TEAD3: variants seen among roughly 807,000 people sequenced by gnomAD.
TEAD3 encodes the protein transcriptional enhancer factor TEF-5.
Under a neutral mutation model 55.6 loss-of-function variants are expected in TEAD3, and 15 were observed. The observed-to-expected ratio is 0.27, with a 90% confidence interval of 0.18 to 0.42. The LOEUF (loss-of-function observed/expected upper bound fraction) is 0.42, where lower values mean the gene tolerates loss of function less well. Among genes scored for constraint, TEAD3 ranks in the 10% least tolerant of loss-of-function variants. The pLI, the probability that TEAD3 is intolerant of heterozygous loss-of-function variation, is 1.00. For synonymous variants in TEAD3, 210 were observed against 232.2 expected (o/e 0.90, Z 0.87); for missense variants, 407 against 576.8 (o/e 0.71, Z 3.01).
chr6:35,475,946 A>AG lies in TEAD3; in HGVS notation c.872dup (p.Asn292Ter). 6.5e-7 allele frequency: 1 copy of AG among 1,543,624 alleles called. No homozygotes were observed. The highest frequency in any genetic ancestry group is 8.7e-7 in the Non-Finnish European group (1 of 1,148,118). On this transcript the variant is annotated frameshift_variant, in exon 10 of 13. Coordinates refer to ENST00000639578, the Ensembl canonical transcript of TEAD3. LOFTEE classifies it high-confidence loss of function. The surrounding 1 kb of genome is among the most constrained non-coding windows in gnomAD (Gnocchi z 5.4). ...AGAACTTGACAAGGAAGAAGGCATT[A>AG]GGGGGCCCCTTCTCATAGAGCTCCT...
rs1768115443 is a variant in TEAD3 at position 35,475,141 on chromosome 6, T to C, written c.1211A>G (p.Asp404Gly). The change falls in exon 13 of 13, where the codon GAC becomes GGC. Residue 404 changes from aspartate (D) to glycine (G), a missense_variant. Coordinates refer to ENST00000639578, the Ensembl canonical transcript of TEAD3. This position sits in a 1 kb window ranked among gnomAD's most constrained non-coding sequence, Gnocchi z 5.4. ...AATGACAAGCAGGGTCTCCTGGGAG[T>C]CCCGGCTCGTGACCACCTGGGGGGT... The C allele has an allele frequency of 1.9e-6, 3 of 1,582,166 alleles. No individual in the cohort carries two copies. The highest frequency in any genetic ancestry group is 2.6e-6 in the Non-Finnish European group (3 of 1,163,822).
rs934798414 is a variant in TEAD3 at position 35,496,942 on chromosome 6, G to A, written c.-94C>T. 1.3e-4 allele frequency: 20 copies of A among 151,880 alleles called. No individual in the cohort carries two copies. The highest frequency in any genetic ancestry group is 4.6e-4 in the African/African-American group (19 of 41,468). 9.4% of individuals were successfully genotyped at this position (151,880 alleles called of 1,614,324 possible). On this transcript the variant is annotated 5_prime_UTR_variant, in exon 1 of 13. Coordinates refer to ENST00000639578, the Ensembl canonical transcript of TEAD3. The surrounding 1 kb of genome is among the most constrained non-coding windows in gnomAD (Gnocchi z 4.8). ...GCGCTCCGGCCGGGCCGCTCCGCCGGGCCCGAGGGAGCCGCAAGGGGGGCC... is the reference window on the plus strand; with the variant it reads ...GCGCTCCGGCCGGGCCGCTCCGCCGAGCCCGAGGGAGCCGCAAGGGGGGCC...
intron 1 of TEAD3, among the ~76,000 whole-genome samples, chr6:35,490,815 G>A (rs1000838340): frequency 5.3e-5 from 8 of 152,190 alleles, no homozygotes; most frequent in Non-Finnish European, 1.2e-4. Context: ...TGGGGCAAAT[G>A]TGGGACTCTG....
chr6:35,493,059 C>T (rs1162459957), intron 1 of TEAD3, among the ~76,000 whole-genome samples: 5 of 152,172 alleles, frequency 3.3e-5, no homozygotes, highest in South Asian at 2.1e-4. Flanking sequence ...ATGAGAGTCA[C>T]GGTGTCATCT....
exon 4 of TEAD3, chr6:35,480,097 G>C (rs941150142): frequency 6.5e-7 from 1 of 1,540,224 alleles, no homozygotes; most frequent in African/African-American, 1.4e-5. Flanking sequence ...TTTCCGCCTG[G>C]CTAGAACTTG....
chr6:35,489,098 T>C (rs1282495207), intron 1 of TEAD3, among the ~76,000 whole-genome samples: 5 of 152,214 alleles, frequency 3.3e-5, no homozygotes, highest in African/African-American at 9.7e-5. Flanking sequence ...TATTCAGCTA[T>C]TCAACTAGTT....
At position 35,475,047 on chromosome 6, in the gene TEAD3, G is replaced by A; in HGVS notation, c.1305C>T (p.Asp435=). 1.9e-6 allele frequency: 3 copies of A among 1,576,698 alleles called. No individual in the cohort carries two copies. Among genetic ancestry groups the A allele is most frequent in the Non-Finnish European group, 2.6e-6 (3 of 1,160,758 alleles). The change falls in exon 13 of 13, where the codon GAC becomes GAT. Residue 435 remains aspartate, a synonymous_variant. Transcript: ENST00000639578. This position sits in a 1 kb window ranked among gnomAD's most constrained non-coding sequence, Gnocchi z 5.4. ...TTAAGGAGGCGCAGAGGGCACCCTAGTCTTTGACGAGCTTGTAGACATGGT... is the reference window on the plus strand; with the variant it reads ...TTAAGGAGGCGCAGAGGGCACCCTAATCTTTGACGAGCTTGTAGACATGGT...
Position 35,475,160 on chromosome 6 carries a change from G to T in TEAD3, c.1195-3C>A, listed in dbSNP as rs201810762. 223 of 1,575,370 alleles carry T rather than the reference G, an allele frequency of 1.4e-4. No homozygotes were observed. The highest frequency in any genetic ancestry group is 1.8e-4 in the Non-Finnish European group (207 of 1,160,070). On this transcript the variant is annotated splice_region_variant and splice_polypyrimidine_tract_variant and intron_variant, in intron 12 of 12. Coordinates refer to ENST00000639578, the Ensembl canonical transcript of TEAD3. The surrounding 1 kb of genome is among the most constrained non-coding windows in gnomAD (Gnocchi z 5.4). The stretch of plus-strand genomic sequence containing the variant: ...TGGGAGTCCCGGCTCGTGACCACCT[G>T]GGGGGTGAGCAGGTAAGAGATTCAG...
rs1014334163 is a variant in TEAD3, at chr6:35,475,511, G to T, written c.1042-23C>A. On this transcript the variant is annotated intron_variant, in intron 11 of 12. Transcript: ENST00000639578. This position sits in a 1 kb window ranked among gnomAD's most constrained non-coding sequence, Gnocchi z 5.4. ...AGTCTGCAGAGAATATGGAGAAGGC[G>T]TCACTCGGCCTGCCTGCTCCCAGCC... The T allele has an allele frequency of 6.2e-7, 1 of 1,605,938 alleles. No individual in the cohort carries two copies. Among genetic ancestry groups the T allele is most frequent in the Non-Finnish European group, 8.5e-7 (1 of 1,173,894 alleles).
chr6:35,478,586 C>T lies in TEAD3; in HGVS notation c.343-15G>A, dbSNP rs748928576. On this transcript the variant is annotated splice_polypyrimidine_tract_variant and intron_variant, in intron 5 of 12. Coordinates refer to ENST00000639578, the Ensembl canonical transcript of TEAD3. Reference sequence around the variant, plus strand: ...GAGACCTGGTCCTGGGGAGAGGAGGCTGCATGAAGCCAGGGCCACGCTGGA... The same window carrying T: ...GAGACCTGGTCCTGGGGAGAGGAGGTTGCATGAAGCCAGGGCCACGCTGGA... 2 of 1,573,502 alleles carry T rather than the reference C, an allele frequency of 1.3e-6. No homozygotes were observed. Among genetic ancestry groups the T allele is most frequent in the Middle Eastern group, 1.7e-4 (1 of 6,034 alleles).
intron 3 of TEAD3, among the ~76,000 whole-genome samples, chr6:35,480,694 G>A (rs1485072145): frequency 6.6e-6 from 1 of 152,132 alleles, no homozygotes. Flanking sequence ...GAGCCACAGT[G>A]GCTTCCAGGG....
chr6:35,483,245 T>A lies in TEAD3; in HGVS notation c.267+1315A>T, dbSNP rs1285077803. 6.6e-6 allele frequency among the ~76,000 whole-genome samples: 1 copy of A among 152,124 alleles called. No homozygotes were observed. The highest frequency in any genetic ancestry group is 1.9e-4 in the East Asian group (1 of 5,190). ...GGATCGTTGCCACCCCTACACTGGG[T>A]AGGGAGGCTCAGAACCTTCCTTTGA... On this transcript the variant is annotated intron_variant, in intron 3 of 12. Transcript: ENST00000639578. This position sits in a 1 kb window ranked among gnomAD's most constrained non-coding sequence, Gnocchi z 4.5.
At position 35,483,298 on chromosome 6, in the gene TEAD3, C is replaced by T. The variant is rs1040256310; in HGVS notation, c.267+1262G>A. On this transcript the variant is annotated intron_variant, in intron 3 of 12. Transcript: ENST00000639578. This position sits in a 1 kb window ranked among gnomAD's most constrained non-coding sequence, Gnocchi z 4.5. ...AAGAGGTGGAACAGGCCAGACTTGA[C>T]ATATGCACCATGGGGATCTGTGGGT... Among the ~76,000 whole-genome samples the T allele has an allele frequency of 3.3e-5, 5 of 152,140 alleles. No individual in the cohort carries two copies. The highest frequency in any genetic ancestry group is 1.2e-4 in the African/African-American group (5 of 41,420).
At chr6:35,477,422 C>T in intron 7 of TEAD3, 50 bp from the exon 8 acceptor site, 1 of 1,540,350 alleles carries the variant, frequency 6.5e-7, no homozygotes. Context: ...TCCCTACCTT[C>T]CACCTGGCCC....
intron 1 of TEAD3, among the ~76,000 whole-genome samples, chr6:35,493,081 G>A (rs1307088075): frequency 2.6e-5 from 4 of 152,088 alleles, no homozygotes; most frequent in Non-Finnish European, 5.9e-5. Context: ...AGAACAAATA[G>A]GTTTCCTCTG....
chr6:35,474,402 C>G (rs1768099164), downstream of TEAD3: 1 of 153,084 alleles, frequency 6.5e-6, no homozygotes, highest in Non-Finnish European at 1.5e-5. Context: ...AACCTGGGCT[C>G]TGGGGACAAG....
intron 5 of TEAD3, 116 bp downstream of exon 5, chr6:35,479,189 T>C: frequency 2.1e-6 from 3 of 1,413,716 alleles, no homozygotes. Context: ...TTTCGTTTTT[T>C]TAAAATGAGG....
chr6:35,486,366 C>G lies in TEAD3; in HGVS notation c.202+95G>C, dbSNP rs1421248925. The G allele has an allele frequency of 2.1e-6, 3 of 1,415,238 alleles. No homozygotes were observed. The highest frequency in any genetic ancestry group is 2.5e-5 in the East Asian group (1 of 40,346). 87.7% of individuals were successfully genotyped at this position (1,415,238 alleles called of 1,614,324 possible). A position where few individuals can be genotyped will look rare whatever the true frequency, so the allele number is the denominator to read the frequency against. On this transcript the variant is annotated intron_variant, in intron 2 of 12. Transcript: ENST00000639578. The surrounding 1 kb of genome is among the most constrained non-coding windows in gnomAD (Gnocchi z 7.3). ...TGCGCGCCCAGACTCGCCCGGCCAG[C>G]GGCTGGCGGCCTCCGACGTCACCAA...
intron 3 of TEAD3, among the ~76,000 whole-genome samples, chr6:35,481,071 C>T (rs897794071): frequency 2.0e-5 from 3 of 151,906 alleles, no homozygotes; most frequent in Non-Finnish European, 4.4e-5. Flanking sequence ...CATAACTTTT[C>T]CCCCCAATAT....
Sources: allele counts gnomAD v4.1 joint callset (sites outside exome capture counted in the v4.1 genomes callset), GRCh38; gene constraint gnomAD v4.1.1; non-coding constraint Gnocchi (gnomAD v3.1); transcripts MANE v1.5; gene names NCBI Gene and HGNC (gene_info 2026-07-23, HGNC 2026-07-21).